The following WDPCP variants were observed in gnomAD, a reference collection of about 807,000 sequenced individuals.
The protein encoded by WDPCP is WD repeat-containing and planar cell polarity effector protein fritz homolog.
A neutral mutation model predicts 93.1 loss-of-function variants in WDPCP; 71 were observed. The ratio of observed to expected loss-of-function variants is 0.76; its 90% CI spans 0.63 to 0.93. WDPCP has a LOEUF of 0.93. Ranked by LOEUF, WDPCP falls within the 40% of genes least tolerant of loss-of-function variation. WDPCP has a pLI of 0.00. For missense variants in WDPCP, 844 were observed against 887.4 expected (o/e 0.95, Z 0.62); for synonymous variants, 315 against 315.0 (o/e 1.00, Z 0.00).
intron 3 of WDPCP, chr2:63,642,657 C>T (rs991329376): frequency 6.6e-6 from 1 of 151,882 alleles, no homozygotes; most frequent in Non-Finnish European, 1.5e-5. Context: ...TTTTTGTATC[C>T]TTCAACTTTA....
chr2:63,494,984 G>A (rs1440062740), intron 1 of WDPCP, among the ~76,000 whole-genome samples: 1 of 151,764 alleles, frequency 6.6e-6, no homozygotes, highest in Non-Finnish European at 1.5e-5. Flanking sequence ...GTGCACAGTG[G>A]ATAGTGATAG....
At chr2:63,356,953 G>C (rs2104612081) in intron 12 of WDPCP, among the ~76,000 whole-genome samples, 1 of 152,304 alleles carries the variant, frequency 6.6e-6, no homozygotes, top group South Asian at 2.1e-4. Context: ...ACAGAAGAGA[G>C]AGACCAGAAA....
At chr2:63,597,384 T>C (rs1709333958) in intron 3 of WDPCP, 2 of 1,352,434 alleles carry the variant, frequency 1.5e-6, no homozygotes, top group African/African-American at 3.0e-5. Context: ...TGCGTATTTA[T>C]TGCCATGTCC....
intron 14 of WDPCP, among the ~76,000 whole-genome samples, chr2:63,234,696 A>G (rs775895723): frequency 8.5e-5 from 13 of 152,168 alleles, no homozygotes; most frequent in Non-Finnish European, 1.9e-4. Context: ...CAGAAAACTT[A>G]GTTAATATGA....
At chr2:63,425,975 C>G (rs1402719982) in intron 9 of WDPCP, among the ~76,000 whole-genome samples, 4 of 152,146 alleles carry the variant, frequency 2.6e-5, no homozygotes. Flanking sequence ...GGGGCCTAGA[C>G]AGAAGGGTCA....
chr2:63,675,410 T>C (rs1710393906), intron 2 of WDPCP, among the ~76,000 whole-genome samples: 1 of 152,182 alleles, frequency 6.6e-6, no homozygotes, highest in Admixed American at 6.5e-5. Flanking sequence ...GGCATGTATA[T>C]AATGGAGCAG....
At chr2:63,149,633 G>A (rs777048074) in intron 17 of WDPCP, among the ~76,000 whole-genome samples, 1 of 152,074 alleles carries the variant, frequency 6.6e-6, no homozygotes, top group African/African-American at 2.4e-5. Context: ...GTATTCAGTC[G>A]GTGAAATACT....
At chr2:63,176,498 A>G (rs1168919989) in intron 14 of WDPCP, among the ~76,000 whole-genome samples, 2 of 151,990 alleles carry the variant, frequency 1.3e-5, no homozygotes, top group African/African-American at 4.8e-5. Flanking sequence ...CAATCTTCCC[A>G]CTTCCTGTGG....
At chr2:63,700,644 C>T (rs572332108) in intron 2 of WDPCP, among the ~76,000 whole-genome samples, 2 of 152,052 alleles carry the variant, frequency 1.3e-5, no homozygotes, top group East Asian at 3.9e-4. Context: ...AGTTTTGATA[C>T]CCAGCATGGT....
intron 3 of WDPCP, among the ~76,000 whole-genome samples, chr2:63,611,848 T>C (rs1709618312): frequency 6.6e-6 from 1 of 152,248 alleles, no homozygotes; most frequent in Non-Finnish European, 1.5e-5. Context: ...ATTTGCCCTC[T>C]AACTCTGCTG....
At chr2:63,487,129 A>AT (rs1700618962) in intron 3 of WDPCP, among the ~76,000 whole-genome samples, 1 of 152,078 alleles carries the variant, frequency 6.6e-6, no homozygotes, top group African/African-American at 2.4e-5. Flanking sequence ...GGAGGCCAGC[A>AT]TCAGTAGGAC....
intron 13 of WDPCP, among the ~76,000 whole-genome samples, chr2:63,271,171 G>T (rs1041980279): frequency 6.6e-6 from 1 of 152,220 alleles, no homozygotes; most frequent in Non-Finnish European, 1.5e-5. Context: ...GAACCAAAGT[G>T]TGTGCTCACC....
chr2:63,828,165 CTT>C (rs765669536), upstream of WDPCP, among the ~76,000 whole-genome samples: 3 of 145,026 alleles, frequency 2.1e-5, no homozygotes. Flanking sequence ...TGTGGATTTA[CTT>C]TTTTTTTTTT....
intron 17 of WDPCP, among the ~76,000 whole-genome samples, chr2:63,132,333 ATTATAC>A (rs956149990): frequency 2.6e-5 from 4 of 151,608 alleles, no homozygotes; most frequent in African/African-American, 9.7e-5. Flanking sequence ...CTTTGGGTTT[ATTATAC>A]TTAGAATTTG....
At chr2:63,571,018 C>A (rs1376742967) in intron 1 of WDPCP, among the ~76,000 whole-genome samples, 1 of 152,006 alleles carries the variant, frequency 6.6e-6, no homozygotes, top group Non-Finnish European at 1.5e-5. Flanking sequence ...AATTCTCCTG[C>A]CTCAGCCTCC....
In WDPCP at chr2:63,724,595, T is replaced by C. The variant is rs939902813; in HGVS notation, n.309-73757A>G. 7.9e-5 allele frequency among the ~76,000 whole-genome samples: 12 copies of C among 152,168 alleles called. No individual in the cohort carries two copies. The East Asian group carries it at 2.1e-3, about 27-fold the overall frequency. On this transcript the variant is annotated intron_variant and non_coding_transcript_variant, in intron 2 of 4. Transcript: ENST00000467687. The stretch of plus-strand genomic sequence containing the variant: ...ATATAAAATTTCAGGATATAAAACC[T>C]GGGTATCTGCAAAGATTTAAAAGAC...
intron 11 of WDPCP, among the ~76,000 whole-genome samples, chr2:63,379,015 T>C (rs1692084152): frequency 6.6e-6 from 1 of 152,140 alleles, no homozygotes; most frequent in Non-Finnish European, 1.5e-5. Context: ...AAAGTCCCTA[T>C]ATCTTCCCTA....
chr2:63,244,130 A>G (rs1435382110), intron 14 of WDPCP, among the ~76,000 whole-genome samples: 2 of 152,200 alleles, frequency 1.3e-5, no homozygotes, highest in Non-Finnish European at 2.9e-5. Context: ...CTCTTGAATT[A>G]TTTTGGGCAT....
intron 2 of WDPCP, among the ~76,000 whole-genome samples, chr2:63,803,068 A>T (rs990543619): frequency 2.0e-5 from 3 of 152,210 alleles, no homozygotes; most frequent in Non-Finnish European, 2.9e-5. Flanking sequence ...AGTAACACAG[A>T]CACCTCATAT....
Sources: gnomAD v4.1 joint callset for allele counts (sites outside exome capture counted in the v4.1 genomes callset) on GRCh38, gnomAD v4.1.1 for gene constraint, MANE v1.5 for transcripts, NCBI Gene and HGNC (gene_info 2026-07-23, HGNC 2026-07-21) for gene names.